The following IGF2BP1 variants were observed in gnomAD, a reference collection of about 807,000 sequenced individuals.
IGF2BP1 encodes insulin-like growth factor 2 mRNA-binding protein 1.
A neutral mutation model predicts 74.9 loss-of-function variants in IGF2BP1; 11 were observed. That is an observed-to-expected ratio of 0.15 (90% CI 0.09 to 0.24). The LOEUF is 0.24. IGF2BP1 is among the 10% of genes least tolerant of loss of function. The probability of loss-of-function intolerance (pLI) is 1.00; values close to 1 mark genes in which losing one functional copy is unlikely to be tolerated. For missense variants in IGF2BP1, 440 were observed against 757.4 expected (o/e 0.58, Z 4.92); for synonymous variants, 287 against 281.8 (o/e 1.02, Z -0.18).
At chr17:49,012,947 G>C (rs2041639480) in intron 2 of IGF2BP1, 1 of 151,816 alleles carries the variant, frequency 6.6e-6, no homozygotes, top group African/African-American at 2.4e-5. Flanking sequence ...TTTTTTTCCT[G>C]GCAAGCAGGA....
intron 2 of IGF2BP1, chr17:49,014,749 G>C (rs555813865): frequency 3.2e-5 from 32 of 985,056 alleles, no homozygotes; most frequent in Non-Finnish European, 3.9e-5. Flanking sequence ...TGCGGGGCTG[G>C]TGCCCAGATG....
At position 49,055,838 on chromosome 17, in the gene IGF2BP1, T is replaced by TG. The variant is rs1555603992; in HGVS notation, c.*6394_*6395insG. Among the ~76,000 whole-genome samples, 3 of 121,212 alleles carry TG rather than the reference T, an allele frequency of 2.5e-5. No individual in the cohort carries two copies. Among genetic ancestry groups the TG allele is most frequent in the African/African-American group, 5.6e-5 (2 of 35,858 alleles). The allele number at this position is 121,212 out of a possible 152,430, so 79.5% of individuals were successfully genotyped here. ...CTGGAGGCCTACTGCTTGGGACAGTTTTTTTTTTTTTTTTTTTTTTAAATA... is the reference window on the plus strand; with the variant it reads ...CTGGAGGCCTACTGCTTGGGACAGTTGTTTTTTTTTTTTTTTTTTTTAAATA... On this transcript the variant is annotated 3_prime_UTR_variant, in exon 15 of 15. Transcript: ENST00000290341.
At chr17:49,035,504 C>T (rs1339347736) in intron 5 of IGF2BP1, among the ~76,000 whole-genome samples, 4 of 152,192 alleles carry the variant, frequency 2.6e-5, no homozygotes, top group Admixed American at 6.5e-5. Context: ...GATGCGGATG[C>T]GAGGTGCGCT....
chr17:49,025,853 C>CTTTTTTTTTTTTT (rs749731111), intron 3 of IGF2BP1, among the ~76,000 whole-genome samples, 187 bp downstream of exon 3: 2 of 140,364 alleles, frequency 1.4e-5, no homozygotes, highest in South Asian at 2.2e-4. Flanking sequence ...TCTTTCTTTT[C>CTTTTTTTTTTTTT]TTTCTTTTTT....
chr17:49,011,695 A>T (rs1387951143), intron 2 of IGF2BP1, among the ~76,000 whole-genome samples: 2 of 152,028 alleles, frequency 1.3e-5, no homozygotes, highest in African/African-American at 4.8e-5. Flanking sequence ...TTCCAAAAAA[A>T]AAAAAACGTT....
intron 6 of IGF2BP1, among the ~76,000 whole-genome samples, chr17:49,039,478 A>G (rs2042026115): frequency 6.6e-6 from 1 of 151,504 alleles, no homozygotes; most frequent in Non-Finnish European, 1.5e-5. Flanking sequence ...CCCAGGCTGG[A>G]GTGTAGTGGT....
intron 5 of IGF2BP1, among the ~76,000 whole-genome samples, chr17:49,035,764 TCCCTGA>T (rs1321905714): frequency 1.3e-5 from 2 of 152,152 alleles, no homozygotes; most frequent in Non-Finnish European, 2.9e-5. Flanking sequence ...TGATGTGGCC[TCCCTGA>T]CCCGGGCCCG....
At chr17:49,021,075 C>T (rs2041786003) in intron 2 of IGF2BP1, among the ~76,000 whole-genome samples, 1 of 151,232 alleles carries the variant, frequency 6.6e-6, no homozygotes, top group African/African-American at 2.4e-5. Flanking sequence ...CCTGGGAAGT[C>T]GAGGCTGCAG....
rs1491069448 is a variant in IGF2BP1 at position 49,019,975 on chromosome 17, CAT to C, written c.237-5641_237-5640del. On this transcript the variant is annotated intron_variant, in intron 2 of 14. Coordinates refer to ENST00000290341, the MANE Select transcript of IGF2BP1 (RefSeq NM_006546.4). ...TTATATACACACACACACACACACACATACACCCACACATATATATACACACA... is the reference window on the plus strand; with the variant it reads ...TTATATACACACACACACACACACACACACCCACACATATATATACACACA... Among the ~76,000 whole-genome samples, 125 of 72,770 alleles carry C rather than the reference CAT, an allele frequency of 1.7e-3. 1 individual carries two copies. The highest frequency in any genetic ancestry group is 5.6e-3 in the African/African-American group (74 of 13,230). The allele number at this position is 72,770 out of a possible 152,430, so 47.7% of individuals were successfully genotyped here.
In IGF2BP1 at chr17:48,997,944, A is replaced by C. The variant is rs1250012596; in HGVS notation, c.175+24A>C. 5 of 1,608,200 alleles carry C rather than the reference A, an allele frequency of 3.1e-6. No homozygotes were observed. Among genetic ancestry groups the C allele is most frequent in the Non-Finnish European group, 4.2e-6 (5 of 1,176,928 alleles). ...CGGTAAGAACACAGCCACCTCCCGG[A>C]AAAGCCACAACGAGAGCCCCGAACA... On this transcript the variant is annotated intron_variant, in intron 1 of 14. Transcript: ENST00000290341. This position sits in a 1 kb window ranked among gnomAD's most constrained non-coding sequence, Gnocchi z 4.8.
chr17:49,048,640 A>G (rs1004684582), intron 14 of IGF2BP1, among the ~76,000 whole-genome samples: 3 of 152,088 alleles, frequency 2.0e-5, no homozygotes, highest in African/African-American at 7.2e-5. Context: ...GACCCTCTAC[A>G]ACAGGAGTCC....
chr17:49,053,538 C>T lies in IGF2BP1; in HGVS notation c.*4094C>T, dbSNP rs888785763. ...GAAGTTTGGGGCTCCAGGTAGCTCC[C>T]TGTTGTGGGACTGCTCTGTCCCCTG... On this transcript the variant is annotated 3_prime_UTR_variant, in exon 15 of 15. Coordinates refer to ENST00000290341, the MANE Select transcript of IGF2BP1 (RefSeq NM_006546.4). 3 of 152,884 alleles carry T rather than the reference C, an allele frequency of 2.0e-5. No individual in the cohort carries two copies. Among genetic ancestry groups the T allele is most frequent in the Admixed American group, 6.5e-5 (1 of 15,290 alleles). The allele number at this position is 152,884 out of a possible 1,614,324, so 9.5% of individuals were successfully genotyped here.
chr17:49,044,059 C>T lies in IGF2BP1; in HGVS notation c.1293C>T (p.Leu431=), dbSNP rs751822874. 3 of 1,614,030 alleles carry T rather than the reference C, an allele frequency of 1.9e-6. No homozygotes were observed. The highest frequency in any genetic ancestry group is 2.7e-5 in the African/African-American group (2 of 74,920). ...AGAAGGGGCAGCACATCAAACAGCT[C>T]TCCCGGTTTGCCAGCGCCTCCATCA... The part of the protein sequence containing the change: ...IGKKGQHIKQ[L]SRFASASIKI... Residue 431 remains leucine (L), a synonymous_variant, in exon 11 of 15, where the codon CTC becomes CTT. Coordinates refer to ENST00000290341, the MANE Select transcript of IGF2BP1 (RefSeq NM_006546.4).
chr17:49,042,183 C>G, intron 8 of IGF2BP1, 59 bp from the exon 9 acceptor site: 2 of 1,607,802 alleles, frequency 1.2e-6, no homozygotes, highest in Non-Finnish European at 1.7e-6. Context: ...GTCTTTGTTA[C>G]TGCCGGGGCC....
At chr17:49,016,556 CT>C (rs1358015589) in intron 2 of IGF2BP1, among the ~76,000 whole-genome samples, 2 of 152,110 alleles carry the variant, frequency 1.3e-5, no homozygotes, top group Non-Finnish European at 2.9e-5. Flanking sequence ...TTCCTTCCTA[CT>C]TTTCCCCCAA....
intron 5 of IGF2BP1, among the ~76,000 whole-genome samples, chr17:49,034,935 G>C (rs372361019): frequency 6.6e-6 from 1 of 151,988 alleles, no homozygotes; most frequent in Non-Finnish European, 1.5e-5. Flanking sequence ...ATGCAGTTTC[G>C]GCTGACATTG....
At chr17:49,025,756 G>A in intron 3 of IGF2BP1, 90 bp downstream of exon 3, 2 of 1,186,014 alleles carry the variant, frequency 1.7e-6, no homozygotes, top group Non-Finnish European at 2.5e-6. Context: ...AAATGATTGG[G>A]GAGGTCTGGG....
At chr17:49,000,241 G>C (rs756620125) in intron 2 of IGF2BP1, among the ~76,000 whole-genome samples, 19 of 152,054 alleles carry the variant, frequency 1.2e-4, no homozygotes, top group Non-Finnish European at 2.5e-4. Context: ...CTGAAAACTT[G>C]GTACATTTCA....
In IGF2BP1 at chr17:49,030,688, C is replaced by T. The variant is rs573120629; in HGVS notation, c.338-1222C>T. On this transcript the variant is annotated intron_variant, in intron 4 of 14. Coordinates refer to ENST00000290341, the MANE Select transcript of IGF2BP1 (RefSeq NM_006546.4). ...TCGCCCAGGCTGGAGTGTAGTGGCACGATCTTTGGCTTACTGCAACCTCCA... is the reference window on the plus strand; with the variant it reads ...TCGCCCAGGCTGGAGTGTAGTGGCATGATCTTTGGCTTACTGCAACCTCCA... Among the ~76,000 whole-genome samples the T allele has an allele frequency of 8.4e-4, 127 of 151,320 alleles. 1 individual carries two copies. The highest frequency in any genetic ancestry group is 9.9e-4 in the Non-Finnish European group (67 of 67,874).
Sources: allele counts gnomAD v4.1 joint callset (sites outside exome capture counted in the v4.1 genomes callset), GRCh38; gene constraint gnomAD v4.1.1; non-coding constraint Gnocchi (gnomAD v3.1); transcripts MANE v1.5; gene names NCBI Gene and HGNC (gene_info 2026-07-23, HGNC 2026-07-21).